Variants in IFIT3 observed in about 807,000 individuals in gnomAD.
The protein encoded by IFIT3 is interferon induced protein with tetratricopeptide repeats 3.
A neutral mutation model predicts 2.4 loss-of-function variants in IFIT3; 2 were observed. The observed-to-expected ratio is 0.82, with a 90% CI of 0.34 to 2.60. IFIT3 has a LOEUF of 2.60. Among genes scored for constraint, IFIT3 ranks in the 30% most tolerant of loss-of-function variants. The probability of loss-of-function intolerance (pLI) is 0.11; values close to 1 mark genes in which losing one functional copy is unlikely to be tolerated. For synonymous variants in IFIT3, 203 were observed against 212.1 expected, an observed-to-expected ratio of 0.96 and a Z score of 0.37; for missense variants, 481 against 562.4, an observed-to-expected ratio of 0.86 and a Z score of 1.46.
At position 89,338,947 on chromosome 10, in the gene IFIT3, G is replaced by C. The variant is rs147185896; in HGVS notation, c.292G>C (p.Gly98Arg). 3.7e-6 allele frequency: 6 copies of C among 1,614,004 alleles called. No homozygotes were observed. The highest frequency in any genetic ancestry group is 1.3e-5 in the African/African-American group (1 of 74,908). ...QAEIRSLVTWGNYAWVYYHLG... is the reference protein window; with the variant it reads ...QAEIRSLVTWRNYAWVYYHLG... ...AGAAATCAGAAGTCTAGTCACTTGG[G>C]GAAACTACGCCTGGGTCTACTATCA... The change falls in exon 2 of 2, where the codon GGA (glycine) becomes CGA (arginine). Residue 98 changes from glycine to arginine, a missense_variant. Gly to Arg is a moderately radical substitution (Grantham distance 125). Coordinates refer to ENST00000371818, the MANE Select transcript of IFIT3 (RefSeq NM_001549.6).
At position 89,333,422 on chromosome 10, in the gene IFIT3, A is replaced by G. The variant is rs948245382; in HGVS notation, c.6-5239A>G. Among the ~76,000 whole-genome samples, 3 of 152,228 alleles carry G rather than the reference A, an allele frequency of 2.0e-5. No individual in the cohort carries two copies. In the South Asian group the frequency reaches 6.2e-4, roughly 31 times the overall value. ...TGAATGGCTTACAGAAGAAATGTCC[A>G]TCTCCAAATCCTCTCTTCCTTAAAT... On this transcript the variant is annotated intron_variant, in intron 1 of 1. Coordinates refer to ENST00000371818, the MANE Select transcript of IFIT3 (RefSeq NM_001549.6).
At chr10:89,332,561 G>A in intron 1 of IFIT3, 1 of 1,613,864 alleles carries the variant, frequency 6.2e-7, no homozygotes, top group Non-Finnish European at 8.5e-7. Context: ...CTTGGAATCA[G>A]TAAGCTAAAA....
Position 89,339,860 on chromosome 10 carries a change from C to T in IFIT3, c.1205C>T (p.Pro402Leu), listed in dbSNP as rs138605922. Residue 402 changes from proline to leucine, a missense_variant, in exon 2 of 2, where the codon CCA becomes CTA. Physicochemically the swap from Pro to Leu is moderately conservative, Grantham distance 98 (BLOSUM62 -3). Transcript: ENST00000371818. ...GACAAGGAAGAGATCAAAGACCAAC[C>T]ACAGAATGTATCTGAAAATCTGCTT... ...STDKEEIKDQ[P>L]QNVSENLLPQ... is the part of the protein sequence containing the mutation. 5 of 1,614,062 alleles carry T rather than the reference C, an allele frequency of 3.1e-6. No individual in the cohort carries two copies. The highest frequency in any genetic ancestry group is 4.2e-6 in the Non-Finnish European group (5 of 1,180,032).
chr10:89,330,109 A>G (rs948188155), intron 1 of IFIT3, among the ~76,000 whole-genome samples: 11 of 152,090 alleles, frequency 7.2e-5, no homozygotes, highest in Non-Finnish European at 1.3e-4. Context: ...TAAGGCAGGA[A>G]CTGGCCATCT....
intron 1 of IFIT3, among the ~76,000 whole-genome samples, chr10:89,337,492 T>C (rs1843761173): frequency 6.6e-6 from 1 of 152,188 alleles, no homozygotes; most frequent in Admixed American, 6.5e-5. Flanking sequence ...TTTTGCCTCC[T>C]GGGCTCAAGT....
At chr10:89,329,577 T>TAG (rs1455450751) in intron 1 of IFIT3, among the ~76,000 whole-genome samples, 9 of 152,240 alleles carry the variant, frequency 5.9e-5, no homozygotes, top group East Asian at 3.9e-4. Flanking sequence ...TGCTAAAAAT[T>TAG]TCCAAATGGG....
chr10:89,332,104 G>A (rs890469556), intron 1 of IFIT3, among the ~76,000 whole-genome samples: 7 of 152,110 alleles, frequency 4.6e-5, no homozygotes, highest in African/African-American at 2.4e-5. Context: ...GGTGGTGCAC[G>A]TCTGTAATCC....
At chr10:89,333,440 C>T (rs1843680861) in intron 1 of IFIT3, among the ~76,000 whole-genome samples, 1 of 152,170 alleles carries the variant, frequency 6.6e-6, no homozygotes, top group South Asian at 2.1e-4. Flanking sequence ...ATCCTCTCTT[C>T]CTTAAATGCA....
At chr10:89,328,127 G>C in intron 1 of IFIT3, 49 bp downstream of exon 1, 1 of 1,585,360 alleles carries the variant, frequency 6.3e-7, no homozygotes, top group South Asian at 1.1e-5. Context: ...AGTGCAAATT[G>C]TAAGTTGAGT....
Position 89,339,377 on chromosome 10 carries a change from C to G in IFIT3, c.722C>G (p.Thr241Arg). 6.2e-7 allele frequency: 1 copy of G among 1,614,078 alleles called. No individual in the cohort carries two copies. Among genetic ancestry groups the G allele is most frequent in the Non-Finnish European group, 8.5e-7 (1 of 1,179,990 alleles). The change falls in exon 2 of 2, where the codon ACA becomes AGA. Residue 241 changes from threonine (T) to arginine (R), a missense_variant. Physicochemically the swap from Thr to Arg is moderately conservative, Grantham distance 71. Coordinates refer to ENST00000371818, the MANE Select transcript of IFIT3 (RefSeq NM_001549.6). Reference sequence around the variant, plus strand: ...GCCTTGGAAAAGTCTCCTTGCCAAACAGATGTCCTCCGCAGTGCAGCCAAA... The same window carrying G: ...GCCTTGGAAAAGTCTCCTTGCCAAAGAGATGTCCTCCGCAGTGCAGCCAAA... The part of the protein sequence containing the change: ...EEALEKSPCQ[T>R]DVLRSAAKFY...
At position 89,334,156 on chromosome 10, in the gene IFIT3, A is replaced by G. The variant is rs576976440; in HGVS notation, c.6-4505A>G. Among the ~76,000 whole-genome samples the G allele has an allele frequency of 2.0e-5, 3 of 152,346 alleles. No individual in the cohort carries two copies. The East Asian group carries it at 5.8e-4, about 29-fold the overall frequency. Reference sequence around the variant, plus strand: ...AAAATTTCAAGATTCTACTCTAGTAATAGCTTTGACTGGGAAGGAGATGTG... The same window carrying G: ...AAAATTTCAAGATTCTACTCTAGTAGTAGCTTTGACTGGGAAGGAGATGTG... On this transcript the variant is annotated intron_variant, in intron 1 of 1. Transcript: ENST00000371818.
At chr10:89,330,271 C>T (rs1417390604) in intron 1 of IFIT3, among the ~76,000 whole-genome samples, 2 of 152,146 alleles carry the variant, frequency 1.3e-5, no homozygotes, top group Admixed American at 1.3e-4. Context: ...TATTATTAGC[C>T]TCATTTTCTA....
chr10:89,330,594 T>C (rs1051002950), intron 1 of IFIT3, among the ~76,000 whole-genome samples: 3 of 152,202 alleles, frequency 2.0e-5, no homozygotes, highest in Non-Finnish European at 4.4e-5. Context: ...CCCCAGGGCA[T>C]AATTTTCTAT....
intron 1 of IFIT3, among the ~76,000 whole-genome samples, chr10:89,328,701 C>T (rs1314333139): frequency 6.6e-6 from 1 of 152,194 alleles, no homozygotes; most frequent in Non-Finnish European, 1.5e-5. Flanking sequence ...AAACCCAAAG[C>T]TTAGCATTTA....
In IFIT3 at chr10:89,339,308, A is replaced by C; in HGVS notation, c.653A>C (p.Gln218Pro). 1 of 1,613,898 alleles carries C rather than the reference A, an allele frequency of 6.2e-7. No individual in the cohort carries two copies. Among genetic ancestry groups the C allele is most frequent in the Non-Finnish European group, 8.5e-7 (1 of 1,179,934 alleles). Residue 218 changes from glutamine to proline, a missense_variant, in exon 2 of 2, where the codon CAG becomes CCG. By Grantham distance (76) the Gln-to-Pro change is moderately conservative. Coordinates refer to ENST00000371818, the MANE Select transcript of IFIT3 (RefSeq NM_001549.6). Reference sequence around the variant, plus strand: ...AAGGTTCTCTTGGGCCTGAAACTGCAGAAGATGAATAAAGAAGCTGAAGGA... The same window carrying C: ...AAGGTTCTCTTGGGCCTGAAACTGCCGAAGATGAATAAAGAAGCTGAAGGA... ...YVKVLLGLKL[Q>P]KMNKEAEGEQ... is the part of the protein sequence containing the mutation.
At chr10:89,338,638 G>T in intron 1 of IFIT3, 23 bp from the exon 2 acceptor site, 2 of 1,596,168 alleles carry the variant, frequency 1.3e-6, no homozygotes, top group South Asian at 2.3e-5. Flanking sequence ...ACATCACAGT[G>T]ACCATGTTTA....
intron 1 of IFIT3, among the ~76,000 whole-genome samples, chr10:89,329,171 G>T (rs550912224): frequency 3.3e-5 from 5 of 152,252 alleles, no homozygotes; most frequent in Admixed American, 6.5e-5. Context: ...GACCATTCAG[G>T]GGGGCAGAAA....
Position 89,339,204 on chromosome 10 carries a change from G to A in IFIT3, c.549G>A (p.Leu183=). The A allele has an allele frequency of 6.2e-7, 1 of 1,614,150 alleles. No individual in the cohort carries two copies. The highest frequency in any genetic ancestry group is 8.5e-7 in the Non-Finnish European group (1 of 1,180,004). The change falls in exon 2 of 2, where the codon CTG becomes CTA. Residue 183 remains leucine, a synonymous_variant. Coordinates refer to ENST00000371818, the MANE Select transcript of IFIT3 (RefSeq NM_001549.6). Reference sequence around the variant, plus strand: ...GACTGGCAATTGCGATGTACCATCTGGATAATCACCCAGAGAAACAGTTCT... The same window carrying A: ...GACTGGCAATTGCGATGTACCATCTAGATAATCACCCAGAGAAACAGTTCT... ...SSGLAIAMYH[L]DNHPEKQFST... is the part of the protein sequence containing the mutation.
At chr10:89,332,606 G>C in intron 1 of IFIT3, 1 of 1,614,098 alleles carries the variant, frequency 6.2e-7, no homozygotes, top group Non-Finnish European at 8.5e-7. Flanking sequence ...TTTCAGAACT[G>C]CAGGGAAACA....
Sources: allele counts gnomAD v4.1 joint callset (sites outside exome capture counted in the v4.1 genomes callset), GRCh38; gene constraint gnomAD v4.1.1; transcripts MANE v1.5; gene names NCBI Gene and HGNC (gene_info 2026-07-23, HGNC 2026-07-21).